KRABD5: variants seen among roughly 807,000 people sequenced by gnomAD.
KRABD5 encodes KRAB domain-containing protein 5.
chr16:31,725,397 C>G, the KRABD5 span, among the ~76,000 whole-genome samples: 1 of 152,158 alleles, frequency 6.6e-6, no homozygotes, highest in Non-Finnish European at 1.5e-5. Context: ...AGATTACAGG[C>G]GTGAGCCACT....
At chr16:31,747,213 TC>T in the KRABD5 span, among the ~76,000 whole-genome samples, 5,344 of 148,878 alleles carry the variant, frequency 0.036, 265 homozygotes, top group East Asian at 0.12. Flanking sequence ...ATTGTTCAAT[TC>T]CCACCTATGA....
chr16:31,747,928 C>G, the KRABD5 span, among the ~76,000 whole-genome samples: 5 of 152,188 alleles, frequency 3.3e-5, no homozygotes, highest in Non-Finnish European at 7.3e-5. Context: ...AATTTTCTCC[C>G]ATTCTGGATG....
chr16:31,723,869 G>A, the KRABD5 span, among the ~76,000 whole-genome samples: 2 of 152,088 alleles, frequency 1.3e-5, no homozygotes, highest in Non-Finnish European at 2.9e-5. Context: ...TTGAGACTCA[G>A]TAATTCATCA....
At chr16:31,721,487 A>G in the KRABD5 span, among the ~76,000 whole-genome samples, 1 of 151,398 alleles carries the variant, frequency 6.6e-6, no homozygotes, top group Admixed American at 6.6e-5. Flanking sequence ...ATATAAATAA[A>G]TAATAAAATA....
chr16:31,727,832 T>C, the KRABD5 span, among the ~76,000 whole-genome samples: 1 of 152,132 alleles, frequency 6.6e-6, no homozygotes, highest in Non-Finnish European at 1.5e-5. Context: ...TTGTCAGTTG[T>C]AATGACTCAT....
chr16:31,749,403 C>G, the KRABD5 span, among the ~76,000 whole-genome samples: 3 of 152,356 alleles, frequency 2.0e-5, no homozygotes, highest in East Asian at 5.8e-4. Flanking sequence ...TTGTGAGCCC[C>G]AGTGCTGGCT....
At chr16:31,728,012 T>C in the KRABD5 span, among the ~76,000 whole-genome samples, 1 of 152,120 alleles carries the variant, frequency 6.6e-6, no homozygotes. Flanking sequence ...TGTACCACCA[T>C]GCTCAGCTAA....
At chr16:31,733,454 T>C in the KRABD5 span, 1 of 453,974 alleles carries the variant, frequency 2.2e-6, no homozygotes, top group Non-Finnish European at 4.4e-6. Flanking sequence ...AGTTTATTAG[T>C]GTTAAGTATA....
the KRABD5 span, chr16:31,722,643 G>A: frequency 6.2e-7 from 1 of 1,613,252 alleles, no homozygotes; most frequent in Non-Finnish European, 8.5e-7. Flanking sequence ...TGACATTCAG[G>A]GATGTGGCCA....
the KRABD5 span, chr16:31,722,733 C>T: frequency 2.6e-5 from 41 of 1,606,826 alleles, no homozygotes; most frequent in East Asian, 4.5e-5. Flanking sequence ...TAGAGAACTA[C>T]GGAAACCTGG....
At chr16:31,717,059 C>T in the KRABD5 span, among the ~76,000 whole-genome samples, 1 of 124,290 alleles carries the variant, frequency 8.0e-6, no homozygotes, top group African/African-American at 3.2e-5. Flanking sequence ...TGCAGTGGTG[C>T]GTTCTTGGCT....
the KRABD5 span, chr16:31,759,327 G>C: frequency 6.5e-7 from 1 of 1,531,738 alleles, no homozygotes; most frequent in Non-Finnish European, 8.8e-7. Context: ...ACACAAAATT[G>C]TACTTTATGT....
At chr16:31,718,499 C>A in the KRABD5 span, among the ~76,000 whole-genome samples, 1 of 152,118 alleles carries the variant, frequency 6.6e-6, no homozygotes, top group Non-Finnish European at 1.5e-5. Flanking sequence ...CTGTGAGGGC[C>A]TTCTGGTCTA....
At chr16:31,733,219 A>G in the KRABD5 span, among the ~76,000 whole-genome samples, 704 of 151,258 alleles carry the variant, frequency 4.7e-3, 7 homozygotes, top group African/African-American at 0.016. Flanking sequence ...TATCTTGTAT[A>G]TTTTTTTTTC....
chr16:31,728,137 G>C, the KRABD5 span, among the ~76,000 whole-genome samples: 2 of 152,184 alleles, frequency 1.3e-5, no homozygotes, highest in Non-Finnish European at 2.9e-5. Context: ...TTACAAGCAT[G>C]AGGAAGTGCA....
At chr16:31,725,298 A>G in the KRABD5 span, among the ~76,000 whole-genome samples, 2 of 152,088 alleles carry the variant, frequency 1.3e-5, no homozygotes, top group African/African-American at 2.4e-5. Flanking sequence ...TCGTATTTTT[A>G]GTAGAGACGG....
the KRABD5 span, among the ~76,000 whole-genome samples, chr16:31,739,054 A>G: frequency 6.6e-6 from 1 of 152,318 alleles, no homozygotes; most frequent in East Asian, 1.9e-4. Flanking sequence ...TGACTTTTCA[A>G]ATCTATAGCA....
At chr16:31,759,330 C>G in the KRABD5 span, 1 of 1,532,300 alleles carries the variant, frequency 6.5e-7, no homozygotes, top group Non-Finnish European at 8.8e-7. Context: ...CAAAATTGTA[C>G]TTTATGTATT....
At chr16:31,731,916 T>C in the KRABD5 span, among the ~76,000 whole-genome samples, 2 of 152,126 alleles carry the variant, frequency 1.3e-5, no homozygotes, top group African/African-American at 4.8e-5. Flanking sequence ...GTGGACAGGA[T>C]TTTTTCCAGA....
Sources: gnomAD v4.1 joint callset for allele counts (sites outside exome capture counted in the v4.1 genomes callset) on GRCh38, gnomAD v4.1.1 for gene constraint, MANE v1.5 for transcripts, NCBI Gene and HGNC (gene_info 2026-07-23, HGNC 2026-07-21) for gene names.